Variants in POF1B observed in about 807,000 individuals in gnomAD.
POF1B encodes the protein protein POF1B.
In POF1B, 53 loss-of-function variants were observed where a neutral mutation model predicts 55.3. The observed-to-expected ratio is 0.96, with a 90% CI of 0.77 to 1.20. The LOEUF (loss-of-function observed/expected upper bound fraction) is 1.20. Ranked by LOEUF, POF1B falls within the 50% of genes most tolerant of loss-of-function variation. The pLI, the probability that POF1B is intolerant of heterozygous loss-of-function variation, is 0.00. For missense variants in POF1B, 478 were observed against 420.5 expected, an observed-to-expected ratio of 1.14 and a Z score of -1.20; for synonymous variants, 188 against 148.3, an observed-to-expected ratio of 1.27 and a Z score of -1.95.
chrX:85,368,689 T>C (rs758983069), intron 2 of POF1B, among the ~76,000 whole-genome samples: 1 of 111,751 alleles, frequency 8.9e-6, no homozygotes, highest in South Asian at 3.7e-4. Flanking sequence ...AAATAATCTG[T>C]AAAAGTGAAA....
At chrX:85,328,844 A>C (rs1362592056) in intron 7 of POF1B, among the ~76,000 whole-genome samples, 2 of 108,675 alleles carry the variant, frequency 1.8e-5, no homozygotes, top group South Asian at 3.8e-4. Flanking sequence ...AAAAAAAAAA[A>C]CAAAACAAAC....
chrX:85,353,217 G>C (rs1383139167), intron 4 of POF1B, among the ~76,000 whole-genome samples: 1 of 110,827 alleles, frequency 9.0e-6, no homozygotes, highest in Non-Finnish European at 1.9e-5. Flanking sequence ...TCCAAGTGAA[G>C]GAAACAAGAC....
chrX:85,350,608 A>T (rs1405652032), intron 5 of POF1B, among the ~76,000 whole-genome samples: 1 of 111,486 alleles, frequency 9.0e-6, no homozygotes, highest in Non-Finnish European at 1.9e-5. Context: ...GAATCACCAC[A>T]TTGACTTCCA....
At chrX:85,298,086 G>A (rs1444776241) in intron 15 of POF1B, among the ~76,000 whole-genome samples, 1 of 112,230 alleles carries the variant, frequency 8.9e-6, no homozygotes, top group Non-Finnish European at 1.9e-5. Context: ...CCCAGGCTGT[G>A]GGGAAAGCAC....
At chrX:85,312,017 G>T (rs1371937502) in intron 9 of POF1B, among the ~76,000 whole-genome samples, 1 of 111,709 alleles carries the variant, frequency 9.0e-6, no homozygotes, top group African/African-American at 3.3e-5. Flanking sequence ...CTTTTTGATG[G>T]GGTTGTTTGT....
rs748457019 is a variant in POF1B, at chrX:85,356,376, C to T, written c.438+3174G>A. Among the ~76,000 whole-genome samples, 7 of 109,089 alleles carry T rather than the reference C, an allele frequency of 6.4e-5. No homozygotes were observed. The East Asian group carries it at 2.0e-3, about 32-fold the overall frequency. The allele number at this position is 109,089 out of a possible 115,157, so 94.7% of individuals were successfully genotyped here. On this transcript the variant is annotated intron_variant, in intron 4 of 16. Transcript: ENST00000262753. ...ATGTTAAATGACGAGTTAATGTGTG[C>T]AGCACACCAACATGGCACATGTATA...
At chrX:85,355,290 C>T (rs919477003) in intron 4 of POF1B, among the ~76,000 whole-genome samples, 5 of 111,658 alleles carry the variant, frequency 4.5e-5, no homozygotes, top group Non-Finnish European at 7.5e-5. Context: ...TTCCTTACAC[C>T]TTATACAAAA....
intron 15 of POF1B, among the ~76,000 whole-genome samples, chrX:85,284,095 T>C (rs1931977012): frequency 9.0e-6 from 1 of 110,664 alleles, no homozygotes; most frequent in Non-Finnish European, 1.9e-5. Context: ...GGAATCCAAC[T>C]TACAAGAGAT....
At chrX:85,308,652 G>C (rs1469969734) in intron 9 of POF1B, among the ~76,000 whole-genome samples, 1 of 111,149 alleles carries the variant, frequency 9.0e-6, no homozygotes, top group Non-Finnish European at 1.9e-5. Flanking sequence ...AAAGTATAGA[G>C]CTATCTAAAT....
chrX:85,377,460 T>C (rs1006189441), intron 2 of POF1B, among the ~76,000 whole-genome samples: 1 of 112,197 alleles, frequency 8.9e-6, no homozygotes, highest in African/African-American at 3.2e-5. Flanking sequence ...AAGGAATTAA[T>C]ACTTCTTTTT....
intron 2 of POF1B, among the ~76,000 whole-genome samples, chrX:85,377,432 C>A (rs898114447): frequency 8.9e-6 from 1 of 112,257 alleles, no homozygotes; most frequent in African/African-American, 3.2e-5. Flanking sequence ...GTCAAATATT[C>A]TTTCTTCTTG....
chrX:85,280,872 A>G lies in POF1B; in HGVS notation c.1764+1331T>C, dbSNP rs377268246. On this transcript the variant is annotated intron_variant, in intron 16 of 16. Coordinates refer to ENST00000262753, the MANE Select transcript of POF1B (RefSeq NM_024921.4). ...AGCATTCTGTTAGCAGAGTTTTTCAACCTCAACACTACTTATTAGGGGCTG... is the reference window on the plus strand; with the variant it reads ...AGCATTCTGTTAGCAGAGTTTTTCAGCCTCAACACTACTTATTAGGGGCTG... Among the ~76,000 whole-genome samples the G allele has an allele frequency of 1.4e-4, 15 of 110,916 alleles. No homozygotes were observed. In the East Asian group the frequency reaches 3.5e-3, roughly 26 times the overall value.
intron 3 of POF1B, among the ~76,000 whole-genome samples, chrX:85,361,310 G>A (rs1033886399): frequency 5.4e-5 from 6 of 111,740 alleles, no homozygotes; most frequent in Non-Finnish European, 1.1e-4. Context: ...TATTGCTTAG[G>A]TTGTCTTCCA....
At chrX:85,343,138 T>C (rs1933205165) in intron 6 of POF1B, among the ~76,000 whole-genome samples, 2 of 109,737 alleles carry the variant, frequency 1.8e-5, no homozygotes, top group African/African-American at 6.6e-5. Context: ...TGTATACCTA[T>C]ATAAGCAAAC....
In POF1B at chrX:85,308,717, G is replaced by A. The variant is rs191994132; in HGVS notation, c.958-501C>T. Among the ~76,000 whole-genome samples the A allele has an allele frequency of 5.6e-3, 617 of 110,842 alleles. 6 individuals are homozygous for A. Among genetic ancestry groups the A allele is most frequent in the Non-Finnish European group, 7.8e-3 (411 of 52,901 alleles). Reference sequence around the variant, plus strand: ...TTTTTTACCAGAGTCTCACTCTGTCGCCTAGGCTGGAGTGTAGTGGCATGA... The same window carrying A: ...TTTTTTACCAGAGTCTCACTCTGTCACCTAGGCTGGAGTGTAGTGGCATGA... On this transcript the variant is annotated intron_variant, in intron 9 of 16. Transcript: ENST00000262753.
chrX:85,284,726 C>A (rs764142167), intron 15 of POF1B, among the ~76,000 whole-genome samples: 9 of 111,509 alleles, frequency 8.1e-5, no homozygotes, highest in African/African-American at 2.9e-4. Context: ...TAGGCAATAC[C>A]ATTCAGGACA....
At position 85,277,521 on chromosome X, in the gene POF1B, T is replaced by C. The variant is rs1202227222; in HGVS notation, c.*1900A>G. The C allele has an allele frequency of 9.0e-6, 1 of 110,868 alleles. No homozygotes were observed. The highest frequency in any genetic ancestry group is 3.3e-5 in the African/African-American group (1 of 30,646). 9.1% of individuals were successfully genotyped at this position (110,868 alleles called of 1,213,427 possible). A position where few individuals can be genotyped will look rare whatever the true frequency, so the allele number is the denominator to read the frequency against. On this transcript the variant is annotated 3_prime_UTR_variant, in exon 17 of 17. Coordinates refer to ENST00000262753, the MANE Select transcript of POF1B (RefSeq NM_024921.4). ...GCTATCAAATACTAGGTCTTATTTA[T>C]ACTTTCTAACTACATAGTTTTTGTA... is the stretch of plus-strand genomic sequence containing the variant.
intron 15 of POF1B, among the ~76,000 whole-genome samples, chrX:85,302,189 G>T (rs1932473412): frequency 9.0e-6 from 1 of 111,004 alleles, no homozygotes; most frequent in Non-Finnish European, 1.9e-5. Context: ...GAAAATATTT[G>T]CAAATCTTGT....
intron 15 of POF1B, among the ~76,000 whole-genome samples, chrX:85,300,307 T>C (rs1037166794): frequency 4.5e-5 from 5 of 111,650 alleles, no homozygotes; most frequent in Non-Finnish European, 9.4e-5. Flanking sequence ...AACTGGGGGC[T>C]AAGGACGAGC....
Sources: gnomAD v4.1 joint callset for allele counts (sites outside exome capture counted in the v4.1 genomes callset) on GRCh38, gnomAD v4.1.1 for gene constraint, MANE v1.5 for transcripts, NCBI Gene and HGNC (gene_info 2026-07-23, HGNC 2026-07-21) for gene names.